MRPS28: variants seen among roughly 807,000 people sequenced by gnomAD.
MRPS28 encodes mitochondrial ribosomal protein S28, also known as small ribosomal subunit protein bS1m.
In MRPS28, 7 loss-of-function variants were observed where a neutral mutation model predicts 10.8. The ratio of observed to expected loss-of-function variants is 0.65; its 90% CI spans 0.37 to 1.22. The LOEUF is 1.22. Ranked by LOEUF, MRPS28 falls within the 50% of genes most tolerant of loss-of-function variation. MRPS28 has a pLI of 0.02. For missense variants in MRPS28, 265 were observed against 232.9 expected (o/e 1.14, Z -0.90); for synonymous variants, 121 against 93.3 (o/e 1.30, Z -1.71).
chr8:80,018,281 GCA>G (rs1168009300), intron 1 of MRPS28, among the ~76,000 whole-genome samples: 1 of 91,722 alleles, frequency 1.1e-5, no homozygotes, highest in Non-Finnish European at 1.9e-5. Flanking sequence ...GGGAGACAGA[GCA>G]ATACTCTGTC....
intron 2 of MRPS28, among the ~76,000 whole-genome samples, chr8:79,926,452 T>C (rs78062375): frequency 0.012 from 1,832 of 152,288 alleles, 22 homozygotes; most frequent in South Asian, 0.068. Context: ...CATTAAGGTA[T>C]GAAAAGTGCA....
rs1806656640 is a variant in MRPS28, at chr8:79,938,190, A to T, written c.396-19042T>A. Among the ~76,000 whole-genome samples the T allele has an allele frequency of 2.0e-5, 3 of 150,372 alleles. No homozygotes were observed. The South Asian group carries it at 6.4e-4, about 32-fold the overall frequency. On this transcript the variant is annotated intron_variant, in intron 2 of 2. Transcript: ENST00000276585. ...ACATACTTCGGGGAAGTGCTCACCT[A>T]TCAAGTGAAATCCGAGTGCTACATT...
chr8:79,974,423 C>T (rs928500984), intron 2 of MRPS28, among the ~76,000 whole-genome samples: 3 of 151,600 alleles, frequency 2.0e-5, no homozygotes, highest in Non-Finnish European at 4.4e-5. Flanking sequence ...GCCTGTAGTC[C>T]CAGCTACTCG....
intron 1 of MRPS28, among the ~76,000 whole-genome samples, chr8:80,011,789 A>G (rs1243048264): frequency 1.3e-5 from 2 of 152,068 alleles, no homozygotes; most frequent in African/African-American, 4.8e-5. Context: ...AACAAAACAA[A>G]ACAAAAAACC....
chr8:79,978,449 G>A (rs759916603), intron 2 of MRPS28, among the ~76,000 whole-genome samples: 4 of 152,098 alleles, frequency 2.6e-5, no homozygotes, highest in East Asian at 1.9e-4. Context: ...CATGCATTGT[G>A]GATCAGATCA....
At chr8:80,018,198 C>T (rs938655524) in intron 1 of MRPS28, among the ~76,000 whole-genome samples, 1 of 134,382 alleles carries the variant, frequency 7.4e-6, no homozygotes, top group Non-Finnish European at 1.5e-5. Flanking sequence ...GAGGCTGAGG[C>T]GGGAGAATGG....
intron 2 of MRPS28, among the ~76,000 whole-genome samples, chr8:79,946,883 A>T (rs758040048): frequency 6.6e-6 from 1 of 152,206 alleles, no homozygotes; most frequent in Non-Finnish European, 1.5e-5. Context: ...TCAGCTTAAT[A>T]GACAAAAAAG....
chr8:80,026,976 CAT>C (rs1809508395), intron 1 of MRPS28, among the ~76,000 whole-genome samples: 1 of 152,114 alleles, frequency 6.6e-6, no homozygotes, highest in Admixed American at 6.5e-5. Context: ...ACAGTACAGA[CAT>C]ATCCCATACC....
intron 1 of MRPS28, among the ~76,000 whole-genome samples, chr8:80,011,731 C>T (rs1181018829): frequency 1.3e-5 from 2 of 151,446 alleles, no homozygotes; most frequent in East Asian, 3.9e-4. Context: ...CTAGCCTGGG[C>T]GACAGAGTGA....
At chr8:79,972,877 T>C (rs1807674043) in intron 2 of MRPS28, among the ~76,000 whole-genome samples, 1 of 152,112 alleles carries the variant, frequency 6.6e-6, no homozygotes, top group Non-Finnish European at 1.5e-5. Context: ...ATGTCAAACA[T>C]TCAAAATATT....
intron 1 of MRPS28, among the ~76,000 whole-genome samples, chr8:80,013,517 C>G (rs1479060690): frequency 6.6e-6 from 1 of 151,124 alleles, no homozygotes; most frequent in African/African-American, 2.4e-5. Context: ...GCCTGTAATC[C>G]TAGCTACTCA....
chr8:79,932,044 G>A (rs1806477210), intron 2 of MRPS28, among the ~76,000 whole-genome samples: 1 of 152,160 alleles, frequency 6.6e-6, no homozygotes, highest in Non-Finnish European at 1.5e-5. Flanking sequence ...TACTTGCCCT[G>A]GCCCTGGGGC....
intron 2 of MRPS28, among the ~76,000 whole-genome samples, chr8:79,989,173 C>A (rs1808282886): frequency 6.6e-6 from 1 of 151,916 alleles, no homozygotes; most frequent in Non-Finnish European, 1.5e-5. Flanking sequence ...GGGAAAAGTA[C>A]AATAGTTTTA....
chr8:79,989,257 A>C (rs1808286157), intron 2 of MRPS28, among the ~76,000 whole-genome samples: 1 of 152,220 alleles, frequency 6.6e-6, no homozygotes, highest in African/African-American at 2.4e-5. Flanking sequence ...AATTTAAGGT[A>C]AGAAATAGGA....
intron 2 of MRPS28, among the ~76,000 whole-genome samples, chr8:79,990,973 G>C (rs185139962): frequency 8.0e-4 from 113 of 141,154 alleles, no homozygotes; most frequent in African/African-American, 2.6e-3. Context: ...CCTGGTGACA[G>C]AGCAAGACTC....
At position 80,003,045 on chromosome 8, in the gene MRPS28, C is replaced by T. The variant is rs780330350; in HGVS notation, c.349G>A (p.Gly117Ser). The change falls in exon 2 of 3, where the codon GGT becomes AGT. Residue 117 changes from glycine (G) to serine (S), a missense_variant. Coordinates refer to ENST00000276585, the MANE Select transcript of MRPS28 (RefSeq NM_014018.3). Reference protein sequence around the residue: ...IVENDLYIDFGGKFHCVCRRP... With the variant: ...IVENDLYIDFSGKFHCVCRRP... ...CTACATACACAATGAAACTTTCCACCAAAATCTATGTACAGATCATTCTCC... is the reference window on the plus strand; with the variant it reads ...CTACATACACAATGAAACTTTCCACTAAAATCTATGTACAGATCATTCTCC... 2.5e-6 allele frequency: 4 copies of T among 1,605,040 alleles called. No homozygotes were observed. The highest frequency in any genetic ancestry group is 3.4e-6 in the Non-Finnish European group (4 of 1,177,624).
At chr8:79,940,628 G>A (rs897147064) in intron 2 of MRPS28, among the ~76,000 whole-genome samples, 1 of 152,206 alleles carries the variant, frequency 6.6e-6, no homozygotes, top group Non-Finnish European at 1.5e-5. Flanking sequence ...GTATCCGGTT[G>A]CTGTCTAGGT....
chr8:79,954,027 G>A (rs1269120004), intron 2 of MRPS28, among the ~76,000 whole-genome samples: 1 of 152,044 alleles, frequency 6.6e-6, no homozygotes, highest in Admixed American at 6.6e-5. Context: ...AACACTGACA[G>A]TAACAACTGT....
intron 1 of MRPS28, among the ~76,000 whole-genome samples, chr8:80,013,070 A>T (rs1809096128): frequency 6.6e-6 from 1 of 152,190 alleles, no homozygotes; most frequent in Non-Finnish European, 1.5e-5. Flanking sequence ...AACTTAAAAG[A>T]AAACAGTACA....
Sources: allele counts gnomAD v4.1 joint callset (sites outside exome capture counted in the v4.1 genomes callset), GRCh38; gene constraint gnomAD v4.1.1; transcripts MANE v1.5; gene names NCBI Gene and HGNC (gene_info 2026-07-23, HGNC 2026-07-21).